FBN3: variants seen among roughly 807,000 people sequenced by gnomAD.
FBN3 encodes the protein fibrillin-3.
A neutral mutation model predicts 330.1 loss-of-function variants in FBN3; 234 were observed. The observed-to-expected ratio is 0.71, with a 90% CI of 0.64 to 0.79. The LOEUF (loss-of-function observed/expected upper bound fraction) is 0.79. Among genes scored for constraint, FBN3 ranks in the 30% least tolerant of loss-of-function variants. FBN3 has a pLI of 0.00. For missense variants in FBN3, 3,606 were observed against 3,886.9 expected (o/e 0.93, Z 1.92); for synonymous variants, 1,458 against 1,517.3 (o/e 0.96, Z 0.91).
At chr19:8,118,657 ACACT>A (rs1463848287) in intron 26 of FBN3, among the ~76,000 whole-genome samples, 2 of 152,236 alleles carry the variant, frequency 1.3e-5, no homozygotes, top group East Asian at 1.9e-4. Flanking sequence ...CCTTGTACAG[ACACT>A]CACACATGTG....
chr19:8,145,275 G>C (rs533785904), intron 5 of FBN3, among the ~76,000 whole-genome samples: 51 of 150,708 alleles, frequency 3.4e-4, no homozygotes, highest in African/African-American at 1.2e-3. Context: ...TCAGGAGGCT[G>C]ACACAGAAGA....
At position 8,129,036 on chromosome 19, in the gene FBN3, A is replaced by G. The variant is rs2083061792; in HGVS notation, c.2288T>C (p.Ile763Thr). 1 of 1,612,706 alleles carries G rather than the reference A, an allele frequency of 6.2e-7. No individual in the cohort carries two copies. The stretch of plus-strand genomic sequence containing the variant: ...AGCCCGGGACCCAGTACCTTTGCAG[A>G]TCTCCGTGTCCTGCCAGAAGTGGAA... ...PGFHFWQDTE[I>T]CKDVDECLSS... Residue 763 changes from isoleucine to threonine, a missense_variant, in exon 18 of 64, where the codon ATC (isoleucine) becomes ACC (threonine). Coordinates refer to ENST00000600128, the MANE Select transcript of FBN3 (RefSeq NM_032447.5). The surrounding 1 kb of genome is among the most constrained non-coding windows in gnomAD (Gnocchi z 4.5).
chr19:8,118,774 G>T, intron 26 of FBN3, 123 bp downstream of exon 26: 1 of 1,223,404 alleles, frequency 8.2e-7, no homozygotes, highest in Non-Finnish European at 1.2e-6. Context: ...CATAGGTATG[G>T]CCTCAGAAAG....
At chr19:8,081,566 C>G in intron 57 of FBN3, 86 bp from the exon 58 acceptor site, 1 of 1,385,372 alleles carries the variant, frequency 7.2e-7, no homozygotes, top group South Asian at 1.5e-5. Context: ...CACCAGACCC[C>G]GACCATCTGA....
chr19:8,085,492 T>G lies in FBN3; in HGVS notation c.6958A>C (p.Thr2320Pro), dbSNP rs774772544. ...CCCCCACAGCAGCACTCGGCCCTGG[T>G]GACAGCCTCACTGCTGCTGGACAGA... ...RSLSSSSEAV[T>P]RAECCCGGGR... Residue 2320 changes from threonine to proline, a missense_variant, in exon 56 of 64, where the codon ACC (threonine) becomes CCC (proline). By Grantham distance (38) the Thr-to-Pro change is conservative. Transcript: ENST00000600128. 2 of 1,592,930 alleles carry G rather than the reference T, an allele frequency of 1.3e-6. No individual in the cohort carries two copies. The highest frequency in any genetic ancestry group is 1.7e-6 in the Non-Finnish European group (2 of 1,170,428).
chr19:8,129,451 T>C lies in FBN3; in HGVS notation c.2045-86A>G. ...AGGGTGTGTCGCGGCGCACCAGGGG[T>C]CTCTAGAAGTCAGATTCCCCAAGGC... On this transcript the variant is annotated intron_variant, in intron 16 of 63. Coordinates refer to ENST00000600128, the MANE Select transcript of FBN3 (RefSeq NM_032447.5). This position sits in a 1 kb window ranked among gnomAD's most constrained non-coding sequence, Gnocchi z 4.5. The C allele has an allele frequency of 6.5e-7, 1 of 1,532,516 alleles. No individual in the cohort carries two copies. The highest frequency in any genetic ancestry group is 8.9e-7 in the Non-Finnish European group (1 of 1,127,958). 94.9% of individuals were successfully genotyped at this position (1,532,516 alleles called of 1,614,324 possible). A position where few individuals can be genotyped will look rare whatever the true frequency, so the allele number is the denominator to read the frequency against.
At position 8,075,162 on chromosome 19, in the gene FBN3, G is replaced by A. The variant is rs1424987477; in HGVS notation, c.7611C>T (p.Arg2537=). The change falls in exon 61 of 64, where the codon CGC becomes CGT. Residue 2537 remains arginine (R), a synonymous_variant. Coordinates refer to ENST00000600128, the MANE Select transcript of FBN3 (RefSeq NM_032447.5). ...GCTGGTTCTGACAGCCATGCTGGCA[G>A]CGGTGGGGCCCATCACATTCATTCA... ...EDVNECDGPH[R]CQHGCQNQLG... is the part of the protein sequence containing the mutation. 6.4e-7 allele frequency: 1 copy of A among 1,571,788 alleles called. No individual in the cohort carries two copies. The highest frequency in any genetic ancestry group is 8.6e-7 in the Non-Finnish European group (1 of 1,157,402).
Position 8,086,306 on chromosome 19 carries a change from A to G in FBN3, c.6774T>C (p.Ala2258=). ...EGCTDDNECH[A]QPDLCVNGRC... ...GGCCGTTGACACAGAGGTCAGGCTG[A>G]GCGTGGCATTCATTGTCATCTGAGA... The change falls in exon 55 of 64, where the codon GCT becomes GCC. Residue 2258 remains alanine, a synonymous_variant. Coordinates refer to ENST00000600128, the MANE Select transcript of FBN3 (RefSeq NM_032447.5). 3 of 1,607,666 alleles carry G rather than the reference A, an allele frequency of 1.9e-6. No individual in the cohort carries two copies. The highest frequency in any genetic ancestry group is 2.6e-6 in the Non-Finnish European group (3 of 1,176,048).
intron 25 of FBN3, 102 bp from the exon 26 acceptor site, chr19:8,119,124 C>T: frequency 7.3e-7 from 1 of 1,370,872 alleles, no homozygotes; most frequent in Middle Eastern, 2.1e-4. Context: ...CCCCAGCCCC[C>T]TTCACCCCAG....
rs1568388206 is a variant in FBN3 at position 8,096,730 on chromosome 19, A to G, written c.5413+151T>C. 7 of 1,269,882 alleles carry G rather than the reference A, an allele frequency of 5.5e-6. No homozygotes were observed. The highest frequency in any genetic ancestry group is 5.5e-6 in the Non-Finnish European group (5 of 914,690). 78.7% of individuals were successfully genotyped at this position (1,269,882 alleles called of 1,614,324 possible). Reference sequence around the variant, plus strand: ...TGCATGGACCTGAGCTCTCACCTCTATCACATCCTATTAACAGACACTCTC... The same window carrying G: ...TGCATGGACCTGAGCTCTCACCTCTGTCACATCCTATTAACAGACACTCTC... On this transcript the variant is annotated intron_variant, in intron 43 of 63. Coordinates refer to ENST00000600128, the MANE Select transcript of FBN3 (RefSeq NM_032447.5). This position sits in a 1 kb window ranked among gnomAD's most constrained non-coding sequence, Gnocchi z 4.6.
At chr19:8,083,716 G>A (rs916492004) in intron 56 of FBN3, among the ~76,000 whole-genome samples, 5 of 151,768 alleles carry the variant, frequency 3.3e-5, no homozygotes, top group African/African-American at 7.3e-5. Flanking sequence ...GCAGAAACAC[G>A]GGAACACACG....
rs141209472 is a variant in FBN3 at position 8,109,695 on chromosome 19, G to A, written c.4392C>T (p.Pro1464=). 54 of 1,561,274 alleles carry A rather than the reference G, an allele frequency of 3.5e-5. No homozygotes were observed. The South Asian group carries it at 4.4e-4, about 13-fold the overall frequency. Residue 1464 remains proline (P), a synonymous_variant, in exon 35 of 64, where the codon CCC becomes CCT. Transcript: ENST00000600128. The surrounding 1 kb of genome is among the most constrained non-coding windows in gnomAD (Gnocchi z 5.2). ...NCINGVCINT[P]GSYLCSCPQD... ...GGGGGCAGCTGCAGAGGTAGCTGCC[G>A]GGGGTGTTAATGCACACGCCGTTGA...
At chr19:8,145,627 G>C (rs2083520207) in intron 5 of FBN3, among the ~76,000 whole-genome samples, 1 of 145,322 alleles carries the variant, frequency 6.9e-6, no homozygotes, top group Non-Finnish European at 1.5e-5. Flanking sequence ...CTTGCAGTAA[G>C]CCGAGATCTT....
chr19:8,116,906 G>A (rs578198140), intron 28 of FBN3, 107 bp from the exon 29 acceptor site: 316 of 1,390,702 alleles, frequency 2.3e-4, no homozygotes, highest in African/African-American at 7.6e-4. Context: ...TGAGGATAGC[G>A]ATGGTCACTC....
intron 63 of FBN3, among the ~76,000 whole-genome samples, chr19:8,068,404 A>AT (rs34784348): frequency 6.6e-6 from 1 of 150,488 alleles, no homozygotes; most frequent in Non-Finnish European, 1.5e-5. Context: ...AAAAAAAAAA[A>AT]TCAATAAATA....
intron 5 of FBN3, among the ~76,000 whole-genome samples, chr19:8,145,244 G>A (rs117052727): frequency 0.14 from 20,711 of 151,804 alleles, 1,488 homozygotes; most frequent in East Asian, 0.19. Flanking sequence ...CATGGTGGCC[G>A]GCTCTTTTAA....
rs775345197 is a variant in FBN3 at position 8,121,398 on chromosome 19, G to GC, written c.3083-13_3083-12insG. The GC allele has an allele frequency of 7.4e-6, 11 of 1,493,420 alleles. No individual in the cohort carries two copies. In the African/African-American group the frequency reaches 7.5e-5, roughly 10 times the overall value. 92.5% of individuals were successfully genotyped at this position (1,493,420 alleles called of 1,614,324 possible). On this transcript the variant is annotated splice_polypyrimidine_tract_variant and intron_variant, in intron 24 of 63. Coordinates refer to ENST00000600128, the MANE Select transcript of FBN3 (RefSeq NM_032447.5). This position sits in a 1 kb window ranked among gnomAD's most constrained non-coding sequence, Gnocchi z 4.5. ...ACACTCGTCGATATCTGTGGGGAGA[G>GC]GGGGCAGAGGCCGGAGGCGCCATGT...
intron 37 of FBN3, among the ~76,000 whole-genome samples, chr19:8,107,492 GATGGATGGATGA>G (rs1308332773): frequency 6.6e-6 from 1 of 151,098 alleles, no homozygotes; most frequent in Non-Finnish European, 1.5e-5. Context: ...TGGATGGATG[GATGGATGGATGA>G]ATGGATGGAA....
intron 8 of FBN3, among the ~76,000 whole-genome samples, chr19:8,141,148 T>C (rs2083402180): frequency 3.1e-5 from 4 of 130,784 alleles, no homozygotes; most frequent in African/African-American, 1.2e-4. Flanking sequence ...TGAGCCGAGA[T>C]CGCGCCACTG....
Sources: gnomAD v4.1 joint callset for allele counts (sites outside exome capture counted in the v4.1 genomes callset) on GRCh38, gnomAD v4.1.1 for gene constraint, Gnocchi (gnomAD v3.1) non-coding constraint, MANE v1.5 for transcripts, NCBI Gene and HGNC (gene_info 2026-07-23, HGNC 2026-07-21) for gene names.